EFCAB11: variants seen among roughly 807,000 people sequenced by gnomAD.
The protein encoded by EFCAB11 is EF-hand calcium-binding domain-containing protein 11.
A neutral mutation model predicts 23.0 loss-of-function variants in EFCAB11; 14 were observed. The observed-to-expected ratio is 0.61, with a 90% CI of 0.40 to 0.95. The LOEUF (loss-of-function observed/expected upper bound fraction) is 0.95. Among genes scored for constraint, EFCAB11 ranks in the 40% least tolerant of loss-of-function variants. The pLI is 0.00. For synonymous variants in EFCAB11, 65 were observed against 66.6 expected, an observed-to-expected ratio of 0.98 and a Z score of 0.11; for missense variants, 198 against 195.8, an observed-to-expected ratio of 1.01 and a Z score of -0.07.
intron 5 of EFCAB11, among the ~76,000 whole-genome samples, chr14:89,847,122 T>C (rs61998707): frequency 0.4 from 60,805 of 152,192 alleles, 15,268 homozygotes; most frequent in Non-Finnish European, 0.57. Flanking sequence ...TTGCCTTCCT[T>C]ATCTTGCCCA....
intron 5 of EFCAB11, among the ~76,000 whole-genome samples, chr14:89,907,001 GA>G (rs1245960625): frequency 2.0e-5 from 3 of 152,140 alleles, no homozygotes; most frequent in Admixed American, 2.0e-4. Flanking sequence ...TAGAAAGAGA[GA>G]ATCAAGGTAT....
intron 3 of EFCAB11, among the ~76,000 whole-genome samples, chr14:89,935,686 C>T (rs1426988697): frequency 6.6e-6 from 1 of 152,164 alleles, no homozygotes; most frequent in African/African-American, 2.4e-5. Flanking sequence ...ACCAGCATGG[C>T]CAACATGGCA....
intron 5 of EFCAB11, among the ~76,000 whole-genome samples, chr14:89,856,703 CAT>C (rs1887766212): frequency 6.6e-6 from 1 of 152,178 alleles, no homozygotes; most frequent in Admixed American, 6.5e-5. Context: ...GGCACCTTTT[CAT>C]GTACCTGTTG....
intron 5 of EFCAB11, chr14:89,829,709 T>G (rs1886822100): frequency 6.6e-6 from 1 of 152,172 alleles, no homozygotes; most frequent in African/African-American, 2.4e-5. Context: ...TTCTGCAGAT[T>G]GCTATGACAC....
At chr14:89,897,676 CTT>C (rs1352511984) in intron 5 of EFCAB11, among the ~76,000 whole-genome samples, 5 of 152,108 alleles carry the variant, frequency 3.3e-5, no homozygotes, top group Non-Finnish European at 5.9e-5. Context: ...AACACACTAA[CTT>C]AAATAAAGCA....
intron 5 of EFCAB11, among the ~76,000 whole-genome samples, chr14:89,839,498 T>C (rs762371711): frequency 3.6e-4 from 55 of 152,244 alleles, no homozygotes; most frequent in Middle Eastern, 3.4e-3. Flanking sequence ...GGATCCATTA[T>C]ATGTGTTAAG....
intron 5 of EFCAB11, among the ~76,000 whole-genome samples, chr14:89,821,548 C>T (rs1886519605): frequency 6.6e-6 from 1 of 152,160 alleles, no homozygotes; most frequent in South Asian, 2.1e-4. Context: ...GGGTACCACA[C>T]TAGCCCTTCT....
At position 89,932,698 on chromosome 14, in the gene EFCAB11, T is replaced by G; in HGVS notation, c.218-71A>C. The G allele has an allele frequency of 2.6e-6, 3 of 1,169,668 alleles. No homozygotes were observed. The Admixed American group carries it at 5.5e-5, about 21-fold the overall frequency. 72.5% of individuals were successfully genotyped at this position (1,169,668 alleles called of 1,614,324 possible). On this transcript the variant is annotated intron_variant, in intron 3 of 5. Coordinates refer to ENST00000316738, the MANE Select transcript of EFCAB11 (RefSeq NM_145231.4). ...TCTTTAAGAAAAAATTAAACAGAAATGGACAGTAATAAATCTCACCAATAA... is the reference window on the plus strand; with the variant it reads ...TCTTTAAGAAAAAATTAAACAGAAAGGGACAGTAATAAATCTCACCAATAA...
At chr14:89,836,645 T>C (rs1430265369) in intron 5 of EFCAB11, 4 of 456,738 alleles carry the variant, frequency 8.8e-6, no homozygotes, top group Non-Finnish European at 1.8e-5. Context: ...CCCTTCTAGC[T>C]CATTATTAAT....
intron 3 of EFCAB11, among the ~76,000 whole-genome samples, chr14:89,943,081 T>TG (rs1307458294): frequency 1.3e-5 from 2 of 152,070 alleles, no homozygotes; most frequent in African/African-American, 4.8e-5. Flanking sequence ...AACTGGGCCC[T>TG]GCAAAAGAAT....
At chr14:89,854,067 T>C (rs1596402830) in intron 5 of EFCAB11, among the ~76,000 whole-genome samples, 1 of 152,090 alleles carries the variant, frequency 6.6e-6, no homozygotes, top group South Asian at 2.1e-4. Flanking sequence ...CAGAGTCAGA[T>C]AGCAAGTGCT....
At chr14:89,949,275 T>C (rs1891081524) in intron 3 of EFCAB11, among the ~76,000 whole-genome samples, 2 of 151,764 alleles carry the variant, frequency 1.3e-5, no homozygotes, top group African/African-American at 4.8e-5. Context: ...AAATTAAAAA[T>C]TAAAAAAAAA....
chr14:89,801,721 G>A (rs564624580), intron 5 of EFCAB11, among the ~76,000 whole-genome samples: 6 of 152,226 alleles, frequency 3.9e-5, no homozygotes, highest in South Asian at 2.1e-4. Context: ...TAGGCCAGGC[G>A]CAGTGGTGCA....
intron 5 of EFCAB11, among the ~76,000 whole-genome samples, chr14:89,845,730 A>T (rs1382901288): frequency 6.6e-6 from 1 of 152,168 alleles, no homozygotes; most frequent in South Asian, 2.1e-4. Context: ...GGGTGATGGA[A>T]TGCCCAAAGG....
rs34911716 is a variant in EFCAB11, at chr14:89,953,944, T to C, written c.133A>G (p.Thr45Ala). The change falls in exon 2 of 6, where the codon ACT becomes GCT. Residue 45 changes from threonine (T) to alanine (A), a missense_variant. Physicochemically the swap from Thr to Ala is moderately conservative, Grantham distance 58. Transcript: ENST00000316738. ...KGYLSREDFK[T>A]AVVMLFGYKP... is the part of the protein sequence containing the mutation. ...TACCCAAACAGCATTACAACAGCAG[T>C]TTTAAAGTCCTCTCTGCTGAGATAT... The C allele has an allele frequency of 1.0e-3, 1,640 of 1,613,874 alleles. 14 individuals are homozygous for C. In the African/African-American group the frequency reaches 0.019, roughly 19 times the overall value.
intron 5 of EFCAB11, among the ~76,000 whole-genome samples, chr14:89,912,234 C>T (rs1041999946): frequency 5.9e-5 from 9 of 151,910 alleles, no homozygotes; most frequent in Admixed American, 1.3e-4. Flanking sequence ...TTTACTCCCA[C>T]TTAAAAAAAA....
chr14:89,906,623 T>C (rs1889508892), intron 5 of EFCAB11, among the ~76,000 whole-genome samples: 1 of 152,204 alleles, frequency 6.6e-6, no homozygotes, highest in Non-Finnish European at 1.5e-5. Context: ...TGTGATTTAA[T>C]GATAATTTGC....
intron 5 of EFCAB11, among the ~76,000 whole-genome samples, chr14:89,806,417 A>G (rs1180354611): frequency 6.6e-6 from 1 of 152,176 alleles, no homozygotes; most frequent in Admixed American, 6.5e-5. Context: ...AGAGCTGCTA[A>G]TAAACAGGGA....
chr14:89,886,588 T>C (rs1888792146), intron 5 of EFCAB11, among the ~76,000 whole-genome samples: 1 of 148,060 alleles, frequency 6.8e-6, no homozygotes, highest in South Asian at 2.1e-4. Context: ...TTTAAGTATA[T>C]CTTAAAAATA....
Sources: gnomAD v4.1 joint callset for allele counts (sites outside exome capture counted in the v4.1 genomes callset) on GRCh38, gnomAD v4.1.1 for gene constraint, MANE v1.5 for transcripts, NCBI Gene and HGNC (gene_info 2026-07-23, HGNC 2026-07-21) for gene names.